LRRC8A: variants seen among roughly 807,000 people sequenced by gnomAD.
The protein encoded by LRRC8A is volume-regulated anion channel subunit LRRC8A.
Under a neutral mutation model 52.5 loss-of-function variants are expected in LRRC8A, and 24 were observed. The ratio of observed to expected loss-of-function variants is 0.46; its 90% CI spans 0.33 to 0.64. The LOEUF (loss-of-function observed/expected upper bound fraction) is 0.64, where lower values mean the gene tolerates loss of function less well. Ranked by LOEUF, LRRC8A falls within the 30% of genes least tolerant of loss-of-function variation. The pLI, the probability that LRRC8A is intolerant of heterozygous loss-of-function variation, is 0.02. For synonymous variants in LRRC8A, 492 were observed against 494.2 expected, an observed-to-expected ratio of 1.00 and a Z score of 0.06; for missense variants, 677 against 1,094.7, an observed-to-expected ratio of 0.62 and a Z score of 5.38.
chr9:128,906,315 A>AT (rs1840247276), intron 2 of LRRC8A, among the ~76,000 whole-genome samples: 1 of 84,316 alleles, frequency 1.2e-5, no homozygotes, highest in South Asian at 4.5e-4. Flanking sequence ...CCCCATGTGG[A>AT]ATTTTTTTTT....
At chr9:128,914,795 G>C (rs80015758) in intron 3 of LRRC8A, among the ~76,000 whole-genome samples, 1 of 152,228 alleles carries the variant, frequency 6.6e-6, no homozygotes, top group East Asian at 1.9e-4. Flanking sequence ...CTTACACGCA[G>C]TAAGAACTCA....
chr9:128,915,238 A>G (rs1840756682), intron 3 of LRRC8A, among the ~76,000 whole-genome samples: 1 of 152,244 alleles, frequency 6.6e-6, no homozygotes. Context: ...CAGGTAGTGC[A>G]GAACCCTATA....
chr9:128,904,126 AAGAG>A (rs1409683665), intron 2 of LRRC8A, among the ~76,000 whole-genome samples: 1 of 152,204 alleles, frequency 6.6e-6, no homozygotes, highest in Non-Finnish European at 1.5e-5. Flanking sequence ...TTCCTCTCCT[AAGAG>A]AGACAGACAC....
chr9:128,904,340 G>A (rs923219121), intron 2 of LRRC8A, among the ~76,000 whole-genome samples: 3 of 152,056 alleles, frequency 2.0e-5, no homozygotes, highest in African/African-American at 4.8e-5. Flanking sequence ...CCAACGTGGC[G>A]AAATTCCGTT....
chr9:128,909,362 T>G (rs765345154), intron 3 of LRRC8A, 41 bp downstream of exon 3: 17 of 1,586,728 alleles, frequency 1.1e-5, no homozygotes, highest in Non-Finnish European at 1.5e-5. Context: ...GGCTGGCGGG[T>G]GGCCTGGCCA....
chr9:128,906,026 C>T (rs1209330183), intron 2 of LRRC8A, among the ~76,000 whole-genome samples: 2 of 152,226 alleles, frequency 1.3e-5, no homozygotes, highest in East Asian at 1.9e-4. Context: ...TATTCTTAAT[C>T]CCCTCTCTTG....
intron 2 of LRRC8A, among the ~76,000 whole-genome samples, chr9:128,897,954 C>G (rs1028882834): frequency 7.1e-6 from 1 of 141,006 alleles, no homozygotes; most frequent in Admixed American, 7.3e-5. Context: ...GAGTGAGACT[C>G]TGTCTCAAAA....
In LRRC8A at chr9:128,916,359, G is replaced by A. The variant is rs572943400; in HGVS notation, c.2421G>A (p.Lys807=). ...EVKERLWRAD[K]EQA ...AGGAGCGGCTGTGGAGGGCTGACAAGGAGCAGGCCTGAGCGAGGCCGGCCC... is the reference window on the plus strand; with the variant it reads ...AGGAGCGGCTGTGGAGGGCTGACAAAGAGCAGGCCTGAGCGAGGCCGGCCC... The change falls in exon 4 of 4, where the codon AAG becomes AAA. Residue 807 remains lysine, a synonymous_variant. Transcript: ENST00000372600. This position sits in a 1 kb window ranked among gnomAD's most constrained non-coding sequence, Gnocchi z 6.1. The A allele has an allele frequency of 6.8e-6, 11 of 1,610,520 alleles. No individual in the cohort carries two copies. The East Asian group carries it at 8.9e-5, about 13-fold the overall frequency.
At chr9:128,901,218 A>G (rs1248771521) in intron 2 of LRRC8A, among the ~76,000 whole-genome samples, 4 of 151,894 alleles carry the variant, frequency 2.6e-5, no homozygotes, top group African/African-American at 4.8e-5. Flanking sequence ...TAATCCCAGC[A>G]CTTTGGGAGG....
chr9:128,916,646 C>G lies in LRRC8A; in HGVS notation c.*275C>G. On this transcript the variant is annotated 3_prime_UTR_variant, in exon 4 of 4. Transcript: ENST00000372600. The surrounding 1 kb of genome is among the most constrained non-coding windows in gnomAD (Gnocchi z 6.1). ...GTATTTGGATAATCAGGGTCTCCTCCCTGGAGGCCAGCTCTGCCCCAGGGG... is the reference window on the plus strand; with the variant it reads ...GTATTTGGATAATCAGGGTCTCCTCGCTGGAGGCCAGCTCTGCCCCAGGGG... The G allele has an allele frequency of 4.8e-6, 2 of 416,114 alleles. No homozygotes were observed. Among genetic ancestry groups the G allele is most frequent in the Non-Finnish European group, 8.7e-6 (2 of 229,444 alleles). 25.8% of individuals were successfully genotyped at this position (416,114 alleles called of 1,614,324 possible). A position where few individuals can be genotyped will look rare whatever the true frequency, so the allele number is the denominator to read the frequency against.
intron 2 of LRRC8A, among the ~76,000 whole-genome samples, chr9:128,894,326 A>T (rs1839738881): frequency 6.6e-6 from 1 of 151,912 alleles, no homozygotes; most frequent in African/African-American, 2.4e-5. Flanking sequence ...TACTAAAAAT[A>T]CAAAAAAATT....
chr9:128,888,086 C>T (rs1394424209), intron 2 of LRRC8A, among the ~76,000 whole-genome samples: 1 of 152,010 alleles, frequency 6.6e-6, no homozygotes, highest in African/African-American at 2.4e-5. Context: ...AGAGGGAGGT[C>T]GGAAGTGCCT....
At position 128,902,796 on chromosome 9, in the gene LRRC8A, G is replaced by T. The variant is rs1017606573; in HGVS notation, c.-8-4361G>T. 6.6e-6 allele frequency among the ~76,000 whole-genome samples: 1 copy of T among 152,034 alleles called. No individual in the cohort carries two copies. The highest frequency in any genetic ancestry group is 1.5e-5 in the Non-Finnish European group (1 of 67,986). On this transcript the variant is annotated intron_variant, in intron 2 of 3. Coordinates refer to ENST00000372600, the MANE Select transcript of LRRC8A (RefSeq NM_019594.4). This position sits in a 1 kb window ranked among gnomAD's most constrained non-coding sequence, Gnocchi z 4.1. ...GACCCACCTGGTCATTAGAGGGCCC[G>T]GGCCTTCCTGTGGGGCGGGTGCTTG...
At position 128,908,060 on chromosome 9, in the gene LRRC8A, T is replaced by C. The variant is rs1397736460; in HGVS notation, c.896T>C (p.Ile299Thr). The C allele has an allele frequency of 6.2e-7, 1 of 1,613,954 alleles. No individual in the cohort carries two copies. Among genetic ancestry groups the C allele is most frequent in the African/African-American group, 1.3e-5 (1 of 74,910 alleles). Residue 299 changes from isoleucine to threonine, a missense_variant, in exon 3 of 4, where the codon ATT becomes ACT. Around this residue, in one of 4 missense-constraint regions of LRRC8A, gnomAD observed 422 missense variants for 741.5 expected, o/e 0.57. Coordinates refer to ENST00000372600, the MANE Select transcript of LRRC8A (RefSeq NM_019594.4). ...TTCGACGTGGACTGCACCGTGGACA[T>C]TGAGAGCCTGACGGGCTACCGCACC... ...IKFDVDCTVD[I>T]ESLTGYRTYR...
intron 3 of LRRC8A, among the ~76,000 whole-genome samples, chr9:128,912,003 G>T (rs939223993): frequency 6.6e-6 from 1 of 152,260 alleles, no homozygotes; most frequent in Non-Finnish European, 1.5e-5. Context: ...TGTTTCTCCA[G>T]ATTTATACTC....
At position 128,899,285 on chromosome 9, in the gene LRRC8A, C is replaced by A. The variant is rs144401218; in HGVS notation, c.-8-7872C>A. Among the ~76,000 whole-genome samples, 1,322 of 152,252 alleles carry A rather than the reference C, an allele frequency of 8.7e-3. 7 individuals carry two copies. Among genetic ancestry groups the A allele is most frequent in the Non-Finnish European group, 0.014 (924 of 68,002 alleles). ...CAGGGAGGATAAGCAAGGGCACTTT[C>A]CGTAAGGCAGAGATAGCCCAGCCAC... On this transcript the variant is annotated intron_variant, in intron 2 of 3. Transcript: ENST00000372600. The surrounding 1 kb of genome is among the most constrained non-coding windows in gnomAD (Gnocchi z 4.0).
intron 2 of LRRC8A, among the ~76,000 whole-genome samples, chr9:128,897,226 T>C (rs1226625176): frequency 6.6e-6 from 1 of 152,134 alleles, no homozygotes; most frequent in Non-Finnish European, 1.5e-5. Context: ...CAGTCTCTGA[T>C]TTTTCTTTTC....
Position 128,907,513 on chromosome 9 carries a change from C to T in LRRC8A, c.349C>T (p.Arg117Ter), listed in dbSNP as rs1340179138. The change falls in exon 3 of 4, where the codon CGA (arginine) becomes TGA (stop). Residue 117 changes from arginine (R) to a stop codon, truncating the protein, a stop_gained. Transcript: ENST00000372600. LOFTEE classifies it high-confidence loss of function. The surrounding 1 kb of genome is among the most constrained non-coding windows in gnomAD (Gnocchi z 9.3). ...NYVDAVCYENRLHWFAKYFPY... is the reference protein window; with the variant it reads ...NYVDAVCYEN ...CGTGGACGCTGTGTGCTATGAGAAC[C>T]GACTGCACTGGTTTGCCAAGTACTT... 3.1e-6 allele frequency: 5 copies of T among 1,614,014 alleles called. No homozygotes were observed. Among genetic ancestry groups the T allele is most frequent in the Non-Finnish European group, 4.2e-6 (5 of 1,180,046 alleles).
intron 2 of LRRC8A, among the ~76,000 whole-genome samples, chr9:128,901,253 A>G (rs945377890): frequency 6.6e-6 from 1 of 152,188 alleles, no homozygotes; most frequent in Non-Finnish European, 1.5e-5. Flanking sequence ...TCATGAGGTC[A>G]GGAGATGGAA....
Sources: gnomAD v4.1 joint callset for allele counts (sites outside exome capture counted in the v4.1 genomes callset) on GRCh38, gnomAD v4.1.1 for gene constraint, gnomAD v4.1.1 regional missense constraint, Gnocchi (gnomAD v3.1) non-coding constraint, MANE v1.5 for transcripts, NCBI Gene and HGNC (gene_info 2026-07-23, HGNC 2026-07-21) for gene names.